The following TENM3 variants were observed in gnomAD, a reference collection of about 807,000 sequenced individuals.
TENM3 encodes the protein teneurin-3.
In TENM3, 63 loss-of-function variants were observed where a neutral mutation model predicts 255.1. The ratio of observed to expected loss-of-function variants is 0.25; its 90% CI spans 0.20 to 0.30. TENM3 has a LOEUF of 0.30. Ranked by LOEUF, TENM3 falls within the 10% of genes least tolerant of loss-of-function variation. The pLI, the probability that TENM3 is intolerant of heterozygous loss-of-function variation, is 1.00. For missense variants in TENM3, 2,929 were observed against 3,461.1 expected (o/e 0.85, Z 3.86); for synonymous variants, 1,306 against 1,322.3 (o/e 0.99, Z 0.27).
the TENM3 span, among the ~76,000 whole-genome samples, chr4:181,508,165 A>G: frequency 1.3e-5 from 2 of 152,192 alleles, no homozygotes; most frequent in Non-Finnish European, 2.9e-5. Flanking sequence ...CCCATGATTC[A>G]GCTGGCAGAG....
chr4:182,530,130 A>G (rs533040093), intron 3 of TENM3, among the ~76,000 whole-genome samples: 3 of 152,358 alleles, frequency 2.0e-5, no homozygotes, highest in African/African-American at 7.2e-5. Context: ...GTTCACAAAC[A>G]TATTCATCTC....
the TENM3 span, among the ~76,000 whole-genome samples, chr4:181,641,041 C>T: frequency 1.3e-5 from 2 of 152,132 alleles, no homozygotes; most frequent in African/African-American, 2.4e-5. Flanking sequence ...GGACTATTTT[C>T]ATTACTAAGA....
At chr4:181,641,120 T>C in the TENM3 span, among the ~76,000 whole-genome samples, 1 of 152,138 alleles carries the variant, frequency 6.6e-6, no homozygotes, top group South Asian at 2.1e-4. Context: ...TATAAAAGAT[T>C]ATCTTTTTTT....
the TENM3 span, among the ~76,000 whole-genome samples, chr4:181,544,238 T>C: frequency 6.6e-6 from 1 of 151,906 alleles, no homozygotes; most frequent in African/African-American, 2.4e-5. Context: ...TAATAATAAA[T>C]TTCTAACTAT....
the TENM3 span, among the ~76,000 whole-genome samples, chr4:181,951,843 TA>T: frequency 1.3e-5 from 2 of 152,210 alleles, no homozygotes; most frequent in Non-Finnish European, 2.9e-5. Flanking sequence ...ATTATGATTT[TA>T]GTAGTTCCAG....
intron 1 of TENM3, among the ~76,000 whole-genome samples, chr4:182,149,950 A>G (rs1750225059): frequency 6.6e-6 from 1 of 152,090 alleles, no homozygotes; most frequent in Admixed American, 6.6e-5. Context: ...CTGTATTCAC[A>G]CTTGCATTTA....
chr4:181,660,694 C>T, the TENM3 span, among the ~76,000 whole-genome samples: 2 of 152,072 alleles, frequency 1.3e-5, no homozygotes, highest in Non-Finnish European at 2.9e-5. Flanking sequence ...TCTATTTTGT[C>T]ACATGGAAAT....
At chr4:182,313,010 T>C (rs1762543322) in intron 1 of TENM3, among the ~76,000 whole-genome samples, 1 of 152,324 alleles carries the variant, frequency 6.6e-6, no homozygotes, top group Non-Finnish European at 1.5e-5. Flanking sequence ...AAAACAGAAT[T>C]ACTTTTATTT....
At chr4:182,220,048 C>T (rs1207840604) in intron 1 of TENM3, among the ~76,000 whole-genome samples, 1 of 152,092 alleles carries the variant, frequency 6.6e-6, no homozygotes, top group Non-Finnish European at 1.5e-5. Context: ...TGGTTTGGCC[C>T]TGAGGAGCAT....
chr4:181,572,677 A>G, the TENM3 span, among the ~76,000 whole-genome samples: 2 of 152,342 alleles, frequency 1.3e-5, no homozygotes, highest in Admixed American at 6.5e-5. Flanking sequence ...ATGCATAATA[A>G]TGACATCATG....
the TENM3 span, among the ~76,000 whole-genome samples, chr4:181,635,772 C>T: frequency 6.6e-6 from 1 of 152,154 alleles, no homozygotes; most frequent in Non-Finnish European, 1.5e-5. Flanking sequence ...AGAAAGGGTG[C>T]AAGAGCTTTA....
At chr4:181,533,894 C>A in the TENM3 span, among the ~76,000 whole-genome samples, 1 of 152,268 alleles carries the variant, frequency 6.6e-6, no homozygotes, top group East Asian at 1.9e-4. Context: ...TTAACCAGTG[C>A]TATTATCATT....
At chr4:181,777,603 G>T in the TENM3 span, among the ~76,000 whole-genome samples, 7 of 151,986 alleles carry the variant, frequency 4.6e-5, no homozygotes, top group Admixed American at 4.6e-4. Context: ...GGTTTTGTCA[G>T]CTCTCTTGAT....
chr4:181,598,176 T>G, the TENM3 span, among the ~76,000 whole-genome samples: 2 of 152,222 alleles, frequency 1.3e-5, no homozygotes, highest in Non-Finnish European at 2.9e-5. Flanking sequence ...ATGATCTACT[T>G]TTTCTTCTAC....
the TENM3 span, chr4:181,522,614 T>C: frequency 2.0e-6 from 1 of 500,426 alleles, no homozygotes; most frequent in Non-Finnish European, 3.8e-6. Context: ...CAGCATCTAT[T>C]CTTCTTGAGG....
At chr4:181,491,887 A>C in the TENM3 span, among the ~76,000 whole-genome samples, 47 of 152,178 alleles carry the variant, frequency 3.1e-4, no homozygotes, top group Non-Finnish European at 5.1e-4. Context: ...AGTGAATACC[A>C]CTTCCTTAAC....
At chr4:182,151,667 A>C (rs1445700531) in intron 1 of TENM3, among the ~76,000 whole-genome samples, 3 of 152,180 alleles carry the variant, frequency 2.0e-5, no homozygotes, top group Non-Finnish European at 2.9e-5. Flanking sequence ...TTAGGAGCAA[A>C]AAAACAAAAC....
the TENM3 span, among the ~76,000 whole-genome samples, chr4:181,476,831 A>G: frequency 6.6e-6 from 1 of 152,180 alleles, no homozygotes; most frequent in Admixed American, 6.5e-5. Context: ...AGCCCTTTCT[A>G]CCTTGGAAGT....
At chr4:182,166,011 C>CTCA (rs1751691586) in intron 1 of TENM3, among the ~76,000 whole-genome samples, 1 of 152,102 alleles carries the variant, frequency 6.6e-6, no homozygotes, top group Admixed American at 6.5e-5. Context: ...ATCTCCTGAC[C>CTCA]TCATGATCTG....
Sources: gnomAD v4.1 joint callset for allele counts (sites outside exome capture counted in the v4.1 genomes callset) on GRCh38, gnomAD v4.1.1 for gene constraint, MANE v1.5 for transcripts, NCBI Gene and HGNC (gene_info 2026-07-23, HGNC 2026-07-21) for gene names.